ADAMTS17: variants seen among roughly 807,000 people sequenced by gnomAD.
The protein encoded by ADAMTS17 is ADAM metallopeptidase with thrombospondin type 1 motif 17.
A neutral mutation model predicts 141.5 loss-of-function variants in ADAMTS17; 113 were observed. The observed-to-expected ratio is 0.80, with a 90% CI of 0.69 to 0.93. The LOEUF (loss-of-function observed/expected upper bound fraction) is 0.93, where lower values mean the gene tolerates loss of function less well. Ranked by LOEUF, ADAMTS17 falls within the 40% of genes least tolerant of loss-of-function variation. The probability of loss-of-function intolerance (pLI) is 0.00; values close to 1 mark genes in which losing one functional copy is unlikely to be tolerated. For synonymous variants in ADAMTS17, 768 were observed against 630.6 expected (o/e 1.22, Z -3.27); for missense variants, 1,659 against 1,517.9 (o/e 1.09, Z -1.54).
chr15:100,196,946 C>G (rs2041141009), intron 8 of ADAMTS17, among the ~76,000 whole-genome samples: 1 of 152,204 alleles, frequency 6.6e-6, no homozygotes, highest in African/African-American at 2.4e-5. Flanking sequence ...GATTTATTGG[C>G]TTTGATTAAC....
chr15:100,318,534 C>T lies in ADAMTS17; in HGVS notation c.616+12355G>A, dbSNP rs541009900. ...TGTGAAGCAGAGAGCAGGCCCCTCA[C>T]CAGACACTGAGGCTGCTAGTACCTT... On this transcript the variant is annotated intron_variant, in intron 3 of 21. Transcript: ENST00000268070. Among the ~76,000 whole-genome samples the T allele has an allele frequency of 1.1e-4, 17 of 152,288 alleles. No individual in the cohort carries two copies. The South Asian group carries it at 2.5e-3, about 22-fold the overall frequency.
intron 14 of ADAMTS17, among the ~76,000 whole-genome samples, chr15:100,105,517 C>G (rs1378092601): frequency 1.3e-5 from 2 of 152,082 alleles, no homozygotes; most frequent in Non-Finnish European, 1.5e-5. Flanking sequence ...CCCATCACAT[C>G]TGCAATGGAC....
chr15:100,176,429 G>A (rs565181546), intron 8 of ADAMTS17, among the ~76,000 whole-genome samples: 33 of 152,242 alleles, frequency 2.2e-4, no homozygotes, highest in African/African-American at 5.8e-4. Flanking sequence ...TAATTGGTAC[G>A]AAGTGTGACC....
chr15:100,222,949 G>C (rs2042180699), intron 7 of ADAMTS17, among the ~76,000 whole-genome samples: 1 of 152,138 alleles, frequency 6.6e-6, no homozygotes, highest in Admixed American at 6.5e-5. Context: ...AATCACAAAG[G>C]GGTGTTTCCT....
At chr15:100,325,553 G>A (rs2045874233) in intron 3 of ADAMTS17, among the ~76,000 whole-genome samples, 1 of 152,178 alleles carries the variant, frequency 6.6e-6, no homozygotes, top group Non-Finnish European at 1.5e-5. Flanking sequence ...AGTGGGAGGT[G>A]GCGGATCCCT....
chr15:100,215,334 C>G (rs1482522580), intron 7 of ADAMTS17, among the ~76,000 whole-genome samples: 1 of 152,196 alleles, frequency 6.6e-6, no homozygotes, highest in South Asian at 2.1e-4. Context: ...TGGATCTCGT[C>G]TGGAACATCT....
At chr15:100,007,523 C>A (rs756479847) in intron 18 of ADAMTS17, among the ~76,000 whole-genome samples, 3 of 152,036 alleles carry the variant, frequency 2.0e-5, no homozygotes, top group Admixed American at 6.5e-5. Flanking sequence ...TGGGTTCAAC[C>A]GATTCTCCTG....
At chr15:100,220,797 T>C (rs1806926608) in intron 7 of ADAMTS17, among the ~76,000 whole-genome samples, 3 of 152,224 alleles carry the variant, frequency 2.0e-5, no homozygotes, top group African/African-American at 4.8e-5. Flanking sequence ...GCTTCTTTCA[T>C]TTAGCATAAC....
chr15:100,204,269 C>A (rs1347209536), intron 7 of ADAMTS17, among the ~76,000 whole-genome samples: 1 of 152,192 alleles, frequency 6.6e-6, no homozygotes, highest in South Asian at 2.1e-4. Context: ...CAGCTGGTGG[C>A]CTTGCTGCCC....
intron 2 of ADAMTS17, among the ~76,000 whole-genome samples, chr15:100,331,524 T>TC (rs1438108927): frequency 5.3e-5 from 8 of 152,134 alleles, no homozygotes; most frequent in African/African-American, 1.4e-4. Flanking sequence ...CAATTTGCCC[T>TC]CCTTCAGCAG....
At chr15:100,333,975 T>C (rs1161018875) in intron 2 of ADAMTS17, among the ~76,000 whole-genome samples, 1 of 152,210 alleles carries the variant, frequency 6.6e-6, no homozygotes, top group Middle Eastern at 3.2e-3. Flanking sequence ...AATCTTCAGT[T>C]TTGCAGGATT....
intron 18 of ADAMTS17, among the ~76,000 whole-genome samples, chr15:100,004,103 G>A (rs1440701501): frequency 2.0e-5 from 3 of 152,260 alleles, no homozygotes; most frequent in Admixed American, 6.5e-5. Context: ...TCGCAGAAGC[G>A]AAGTGTTTCT....
At chr15:100,177,626 T>C (rs1214060457) in intron 8 of ADAMTS17, among the ~76,000 whole-genome samples, 2 of 152,216 alleles carry the variant, frequency 1.3e-5, no homozygotes, top group Non-Finnish European at 2.9e-5. Flanking sequence ...TTGCTGTTGT[T>C]GGATGAAGTG....
intron 7 of ADAMTS17, among the ~76,000 whole-genome samples, chr15:100,246,000 A>G (rs1192931230): frequency 6.6e-6 from 1 of 151,854 alleles, no homozygotes; most frequent in Non-Finnish European, 1.5e-5. Flanking sequence ...CAGAGCAAGC[A>G]CACAGAGGTC....
chr15:100,028,544 A>G (rs1452385960), intron 18 of ADAMTS17, among the ~76,000 whole-genome samples: 3 of 152,202 alleles, frequency 2.0e-5, no homozygotes, highest in African/African-American at 7.2e-5. Flanking sequence ...TAAAAATGAC[A>G]AATTTAGCTC....
At chr15:100,039,663 A>C (rs1015480979) in intron 18 of ADAMTS17, among the ~76,000 whole-genome samples, 1 of 152,184 alleles carries the variant, frequency 6.6e-6, no homozygotes, top group Non-Finnish European at 1.5e-5. Flanking sequence ...GGCCTAGTGT[A>C]TGATCTATTC....
chr15:100,340,600 C>T (rs913535262), intron 2 of ADAMTS17, among the ~76,000 whole-genome samples: 1 of 152,166 alleles, frequency 6.6e-6, no homozygotes, highest in African/African-American at 2.4e-5. Context: ...ATGCCCACTC[C>T]CCCACCTCCA....
chr15:100,033,897 T>A (rs1397976177), intron 18 of ADAMTS17, among the ~76,000 whole-genome samples: 1 of 152,230 alleles, frequency 6.6e-6, no homozygotes, highest in Non-Finnish European at 1.5e-5. Flanking sequence ...GGTGCCACGA[T>A]CACCTCCTTC....
intron 15 of ADAMTS17, among the ~76,000 whole-genome samples, chr15:100,092,922 A>T (rs1186075543): frequency 6.6e-6 from 1 of 152,170 alleles, no homozygotes; most frequent in African/African-American, 2.4e-5. Flanking sequence ...AGCAGGGCGG[A>T]ATAAAGATAA....
Sources: gnomAD v4.1 joint callset for allele counts (sites outside exome capture counted in the v4.1 genomes callset) on GRCh38, gnomAD v4.1.1 for gene constraint, MANE v1.5 for transcripts, NCBI Gene and HGNC (gene_info 2026-07-23, HGNC 2026-07-21) for gene names.